Variants in ZNF675 observed in about 807,000 individuals in gnomAD.
The protein encoded by ZNF675 is zinc finger protein 675, also known as TRAF6 inhibitory zinc finger.
A neutral mutation model predicts 56.1 loss-of-function variants in ZNF675; 36 were observed. That is an observed-to-expected ratio of 0.64 (90% CI 0.49 to 0.85). The LOEUF (loss-of-function observed/expected upper bound fraction) is 0.85, where lower values mean the gene tolerates loss of function less well. Ranked by LOEUF, ZNF675 falls within the 40% of genes least tolerant of loss-of-function variation. The pLI, the probability that ZNF675 is intolerant of heterozygous loss-of-function variation, is 0.00. For synonymous variants in ZNF675, 200 were observed against 218.9 expected (o/e 0.91, Z 0.76); for missense variants, 663 against 654.2 (o/e 1.01, Z -0.15).
At chr19:23,666,232 C>A (rs529107900) in intron 1 of ZNF675, among the ~76,000 whole-genome samples, 1 of 152,370 alleles carries the variant, frequency 6.6e-6, no homozygotes, top group East Asian at 1.9e-4. Flanking sequence ...TGTCCACAAC[C>A]ATTCAGACTG....
At chr19:23,661,894 T>C in intron 3 of ZNF675, 1 of 435,036 alleles carries the variant, frequency 2.3e-6, no homozygotes, top group Non-Finnish European at 4.1e-6. Flanking sequence ...CACCGAAAAC[T>C]TAAAGGAAAA....
Position 23,676,604 on chromosome 19 carries a change from C to A in ZNF675, c.3+10427G>T, listed in dbSNP as rs75986961. Among the ~76,000 whole-genome samples the A allele has an allele frequency of 2.5e-3, 387 of 151,798 alleles. 12 individuals carry two copies. Among genetic ancestry groups the A allele is most frequent in the African/African-American group, 9.1e-3 (373 of 41,164 alleles). ...ACTTAAACAGAACTACAGACAAAAA[C>A]CACAAAATTAACTCAATAGATGCAG... On this transcript the variant is annotated intron_variant, in intron 1 of 3. Coordinates refer to ENST00000359788, the MANE Select transcript of ZNF675 (RefSeq NM_138330.3).
At chr19:23,685,069 G>A (rs538742475) in intron 1 of ZNF675, among the ~76,000 whole-genome samples, 36 of 151,854 alleles carry the variant, frequency 2.4e-4, no homozygotes, top group African/African-American at 8.0e-4. Context: ...CCAATGGTGC[G>A]ATCTCGGCTC....
intron 3 of ZNF675, among the ~76,000 whole-genome samples, chr19:23,658,964 G>T (rs572992748): frequency 1.1e-4 from 1 of 8,772 alleles, no homozygotes; most frequent in Non-Finnish European, 3.0e-3. Context: ...GAGATCTATA[G>T]ATAGATATAG....
chr19:23,668,921 C>T (rs1968192845), intron 1 of ZNF675, among the ~76,000 whole-genome samples: 2 of 152,184 alleles, frequency 1.3e-5, no homozygotes. Flanking sequence ...TCCACAACTC[C>T]CTACAAGCTG....
intron 3 of ZNF675, 40 bp downstream of exon 3, chr19:23,662,071 CTCA>C (rs1253146913): frequency 7.1e-7 from 1 of 1,413,776 alleles, no homozygotes; most frequent in African/African-American, 1.4e-5. Flanking sequence ...CTTTGGACCT[CTCA>C]TCAGTGTCAC....
chr19:23,658,880 T>TATAG (rs552180862), intron 3 of ZNF675, among the ~76,000 whole-genome samples: 3,418 of 87,486 alleles, frequency 0.039, 336 homozygotes, highest in African/African-American at 0.12. Context: ...TATAGATATC[T>TATAG]ATAGATATAG....
chr19:23,669,023 A>G (rs1968194203), intron 1 of ZNF675, among the ~76,000 whole-genome samples: 1 of 152,226 alleles, frequency 6.6e-6, no homozygotes. Context: ...CCAAAGTAGG[A>G]GCCCAGGCAG....
At chr19:23,686,643 T>C (rs566116620) in intron 1 of ZNF675, among the ~76,000 whole-genome samples, 6 of 152,154 alleles carry the variant, frequency 3.9e-5, no homozygotes, top group Non-Finnish European at 8.8e-5. Context: ...AAAATTTTAA[T>C]AGGAGAAAAC....
intron 1 of ZNF675, among the ~76,000 whole-genome samples, chr19:23,683,068 A>G (rs1968397225): frequency 6.6e-6 from 1 of 151,392 alleles, no homozygotes; most frequent in Admixed American, 6.6e-5. Context: ...GCGCATCTGT[A>G]ATCCCAGCTA....
At chr19:23,685,592 G>T (rs1968433178) in intron 1 of ZNF675, among the ~76,000 whole-genome samples, 1 of 152,124 alleles carries the variant, frequency 6.6e-6, no homozygotes, top group East Asian at 1.9e-4. Flanking sequence ...GAGGCGAAAA[G>T]ATTTTTTACA....
At chr19:23,683,309 G>T (rs941093165) in intron 1 of ZNF675, among the ~76,000 whole-genome samples, 4 of 151,712 alleles carry the variant, frequency 2.6e-5, no homozygotes, top group African/African-American at 9.7e-5. Context: ...ATAGGATATA[G>T]AACAGATATT....
In ZNF675 at chr19:23,665,335, C is replaced by A. The variant is rs1185057564; in HGVS notation, c.4-2177G>T. The stretch of plus-strand genomic sequence containing the variant: ...ACTCCAGCCTGGGCACAGAGCAAGA[C>A]CCCACCTCAAAAAAAAAAATCAAAC... On this transcript the variant is annotated intron_variant, in intron 1 of 3. Transcript: ENST00000359788. Among the ~76,000 whole-genome samples the A allele has an allele frequency of 1.1e-4, 5 of 46,064 alleles. No homozygotes were observed. In the East Asian group the frequency reaches 2.6e-3, roughly 24 times the overall value. 30.2% of individuals were successfully genotyped at this position (46,064 alleles called of 152,430 possible). A position where few individuals can be genotyped will look rare whatever the true frequency, so the allele number is the denominator to read the frequency against.
At chr19:23,683,789 A>G (rs1449733744) in intron 1 of ZNF675, among the ~76,000 whole-genome samples, 1 of 152,180 alleles carries the variant, frequency 6.6e-6, no homozygotes, top group Non-Finnish European at 1.5e-5. Context: ...CCCAGCCATA[A>G]ACACAACTGA....
intron 1 of ZNF675, among the ~76,000 whole-genome samples, chr19:23,683,092 G>A (rs981917620): frequency 1.9e-4 from 28 of 151,328 alleles, no homozygotes; most frequent in African/African-American, 6.6e-4. Flanking sequence ...GGGTGGCTGA[G>A]GCAGAAGAAT....
chr19:23,665,205 C>T (rs892073708), intron 1 of ZNF675, among the ~76,000 whole-genome samples: 2 of 151,612 alleles, frequency 1.3e-5, no homozygotes, highest in African/African-American at 2.4e-5. Context: ...ATTAGCCAGC[C>T]GAGGTGGCAC....
intron 1 of ZNF675, among the ~76,000 whole-genome samples, chr19:23,666,469 G>A (rs1968152157): frequency 6.6e-6 from 1 of 152,206 alleles, no homozygotes; most frequent in African/African-American, 2.4e-5. Context: ...ACCTCTAGGG[G>A]ATATCTGAAC....
chr19:23,684,187 G>A (rs990209704), intron 1 of ZNF675, among the ~76,000 whole-genome samples: 9 of 151,594 alleles, frequency 5.9e-5, no homozygotes, highest in African/African-American at 1.2e-4. Context: ...GCTTGAACCC[G>A]GGAGGCAGAG....
Position 23,653,848 on chromosome 19 carries a change from T to C in ZNF675, c.1085A>G (p.His362Arg), listed in dbSNP as rs770155507. The C allele has an allele frequency of 3.1e-6, 5 of 1,613,912 alleles. No individual in the cohort carries two copies. Among genetic ancestry groups the C allele is most frequent in the Non-Finnish European group, 4.2e-6 (5 of 1,179,886 alleles). The change falls in exon 4 of 4, where the codon CAT (histidine) becomes CGT (arginine). Residue 362 changes from histidine (H) to arginine (R), a missense_variant. His to Arg is a conservative substitution (Grantham distance 29). Transcript: ENST00000359788. Reference protein sequence around the residue: ...SSKLTEHKNIHTGEQPYKCEE... With the variant: ...SSKLTEHKNIRTGEQPYKCEE... ...ACATTTGTAGGGTTGCTCTCCAGTA[T>C]GAATGTTTTTATGTTCAGTAAGTTT...
Sources: allele counts gnomAD v4.1 joint callset (sites outside exome capture counted in the v4.1 genomes callset), GRCh38; gene constraint gnomAD v4.1.1; transcripts MANE v1.5; gene names NCBI Gene and HGNC (gene_info 2026-07-23, HGNC 2026-07-21).